The following NOXRED1 variants were observed in gnomAD, a reference collection of about 807,000 sequenced individuals.
The protein encoded by NOXRED1 is NADP-dependent oxidoreductase domain-containing protein 1.
In NOXRED1, 20 loss-of-function variants were observed where a neutral mutation model predicts 30.4. The observed-to-expected ratio is 0.66, with a 90% CI of 0.46 to 0.96. NOXRED1 has a LOEUF of 0.96. Ranked by LOEUF, NOXRED1 falls within the 40% of genes least tolerant of loss-of-function variation. The pLI is 0.00. For missense variants in NOXRED1, 374 were observed against 428.0 expected (o/e 0.87, Z 1.11); for synonymous variants, 155 against 168.0 (o/e 0.92, Z 0.60).
At chr14:77,398,533 A>T (rs1374060101) in intron 5 of NOXRED1, among the ~76,000 whole-genome samples, 1 of 152,080 alleles carries the variant, frequency 6.6e-6, no homozygotes. Flanking sequence ...CACTTTAGCC[A>T]TCCTGTTCCA....
rs1237672899 is a variant in NOXRED1 at position 77,406,931 on chromosome 14, A to G, written c.531-56T>C. 3.3e-6 allele frequency: 5 copies of G among 1,512,524 alleles called. No homozygotes were observed. In the African/African-American group the frequency reaches 6.9e-5, roughly 21 times the overall value. The allele number at this position is 1,512,524 out of a possible 1,614,324, so 93.7% of individuals were successfully genotyped here. A position where few individuals can be genotyped will look rare whatever the true frequency, so the allele number is the denominator to read the frequency against. ...TGCCAGGACTGGAATAAATGACGACATAACCCACTGTGTTTACATCCAACC... is the reference window on the plus strand; with the variant it reads ...TGCCAGGACTGGAATAAATGACGACGTAACCCACTGTGTTTACATCCAACC... On this transcript the variant is annotated intron_variant, in intron 3 of 5. Transcript: ENST00000380835.
rs188602663 is a variant in NOXRED1 at position 77,418,657 on chromosome 14, G to A, written c.155+4078C>T. Among the ~76,000 whole-genome samples, 7 of 151,738 alleles carry A rather than the reference G, an allele frequency of 4.6e-5. No individual in the cohort carries two copies. The East Asian group carries it at 5.8e-4, about 13-fold the overall frequency. On this transcript the variant is annotated intron_variant, in intron 1 of 5. Transcript: ENST00000380835. The stretch of plus-strand genomic sequence containing the variant: ...CAATCCTCCCACATCAGACTACCAC[G>A]TACCTGAGACCACAGGTGTGTACCA...
chr14:77,424,982 T>C (rs1895089588), upstream of NOXRED1, among the ~76,000 whole-genome samples: 1 of 152,226 alleles, frequency 6.6e-6, no homozygotes, highest in African/African-American at 2.4e-5. Context: ...CTGTAACTGC[T>C]ACATCTTCCC....
intron 1 of NOXRED1, among the ~76,000 whole-genome samples, chr14:77,419,593 C>G (rs936740809): frequency 1.3e-5 from 2 of 151,482 alleles, no homozygotes; most frequent in African/African-American, 4.9e-5. Context: ...GGACTATAGG[C>G]GCCCGCCACC....
intron 5 of NOXRED1, 71 bp from the exon 6 acceptor site, chr14:77,394,876 T>C: frequency 3.6e-6 from 4 of 1,122,054 alleles, no homozygotes; most frequent in Non-Finnish European, 5.2e-6. Flanking sequence ...TAAACACATC[T>C]TTTAAAGAAA....
upstream of NOXRED1, among the ~76,000 whole-genome samples, chr14:77,424,013 C>A (rs1453304284): frequency 2.0e-5 from 3 of 152,190 alleles, no homozygotes; most frequent in African/African-American, 7.2e-5. Flanking sequence ...GCCTCTGGAA[C>A]CACCAATCTG....
Position 77,413,954 on chromosome 14 carries a change from G to A in NOXRED1, c.329C>T (p.Thr110Ile). 6.3e-7 allele frequency: 1 copy of A among 1,594,448 alleles called. No individual in the cohort carries two copies. ...PIPAESLRIS[T>I]RRPETLGELQ... ...CTCACCCAGAGTCTCTGGCCTCCGA[G>A]TGGAGATCCGCAGGCTTTCAGCAGG... The change falls in exon 2 of 6, where the codon ACT becomes ATT. Residue 110 changes from threonine (T) to isoleucine (I), a missense_variant. By Grantham distance (89) the Thr-to-Ile change is moderately conservative. Coordinates refer to ENST00000380835, the MANE Select transcript of NOXRED1 (RefSeq NM_001113475.3).
intron 1 of NOXRED1, 34 bp downstream of exon 1, chr14:77,422,701 T>C: frequency 6.2e-7 from 1 of 1,603,318 alleles, no homozygotes; most frequent in Non-Finnish European, 8.5e-7. Flanking sequence ...GTGAGATTCT[T>C]GTCCATCTTC....
upstream of NOXRED1, among the ~76,000 whole-genome samples, chr14:77,424,019 A>G (rs1895067022): frequency 6.6e-6 from 1 of 152,204 alleles, no homozygotes; most frequent in Non-Finnish European, 1.5e-5. Context: ...GGAACCACCA[A>G]TCTGCTTTCT....
At chr14:77,395,455 A>G (rs961755511) in intron 5 of NOXRED1, among the ~76,000 whole-genome samples, 7 of 152,102 alleles carry the variant, frequency 4.6e-5, no homozygotes, top group Admixed American at 2.0e-4. Context: ...GATCGTGGAC[A>G]TTAAGCAAGG....
At chr14:77,418,318 T>C (rs964539591) in intron 1 of NOXRED1, among the ~76,000 whole-genome samples, 6 of 151,994 alleles carry the variant, frequency 3.9e-5, no homozygotes, top group Admixed American at 3.9e-4. Context: ...TTATTTCTAG[T>C]AGAGACAGGG....
At chr14:77,398,784 C>T (rs1452810207) in intron 5 of NOXRED1, among the ~76,000 whole-genome samples, 4 of 152,060 alleles carry the variant, frequency 2.6e-5, no homozygotes, top group Non-Finnish European at 5.9e-5. Flanking sequence ...GCCTGGCCAA[C>T]ATGGTGAAAC....
intron 2 of NOXRED1, among the ~76,000 whole-genome samples, chr14:77,411,023 A>G (rs1026414406): frequency 4.6e-5 from 7 of 152,256 alleles, no homozygotes; most frequent in South Asian, 2.1e-4. Context: ...AGTTGCCTAC[A>G]TGAACACTTA....
At chr14:77,402,034 T>G (rs1283835003) in intron 5 of NOXRED1, among the ~76,000 whole-genome samples, 2 of 152,158 alleles carry the variant, frequency 1.3e-5, no homozygotes, top group East Asian at 1.9e-4. Flanking sequence ...TCACAGAAGT[T>G]AAGTCAAAAT....
intron 5 of NOXRED1, among the ~76,000 whole-genome samples, chr14:77,405,054 T>A (rs1894421528): frequency 6.6e-6 from 1 of 152,204 alleles, no homozygotes; most frequent in Admixed American, 6.5e-5. Flanking sequence ...CAGAGCTTCT[T>A]TCACATATGC....
upstream of NOXRED1, among the ~76,000 whole-genome samples, chr14:77,425,661 C>T (rs1895104838): frequency 6.6e-6 from 1 of 152,242 alleles, no homozygotes; most frequent in African/African-American, 2.4e-5. Flanking sequence ...GTGTTGCTAA[C>T]ATGTGGGCAG....
At chr14:77,424,304 G>A (rs1198128616), upstream of NOXRED1, among the ~76,000 whole-genome samples, 2 of 152,098 alleles carry the variant, frequency 1.3e-5, no homozygotes, top group African/African-American at 4.8e-5. Flanking sequence ...TGGGCATGGT[G>A]GCAGCTACTT....
chr14:77,419,860 G>T (rs1894943425), intron 1 of NOXRED1, among the ~76,000 whole-genome samples: 1 of 152,020 alleles, frequency 6.6e-6, no homozygotes, highest in Non-Finnish European at 1.5e-5. Flanking sequence ...GAACTCCCTT[G>T]CATGTGATAA....
intron 1 of NOXRED1, among the ~76,000 whole-genome samples, chr14:77,418,530 TTTTA>T (rs1393902626): frequency 2.6e-5 from 4 of 151,868 alleles, no homozygotes; most frequent in Non-Finnish European, 5.9e-5. Flanking sequence ...TTTATATACA[TTTTA>T]TTTATCTATT....
Sources: allele counts gnomAD v4.1 joint callset (sites outside exome capture counted in the v4.1 genomes callset), GRCh38; gene constraint gnomAD v4.1.1; transcripts MANE v1.5; gene names NCBI Gene and HGNC (gene_info 2026-07-23, HGNC 2026-07-21).